Variants in MED13L observed in about 807,000 individuals in gnomAD.
MED13L encodes mediator complex subunit 13L.
A neutral mutation model predicts 220.9 loss-of-function variants in MED13L; 7 were observed. The observed-to-expected ratio is 0.03, with a 90% CI of 0.02 to 0.06. The LOEUF (loss-of-function observed/expected upper bound fraction) is 0.06. Among genes scored for constraint, MED13L ranks in the 10% least tolerant of loss-of-function variants. MED13L has a pLI of 1.00. For synonymous variants in MED13L, 1,011 were observed against 1,015.2 expected (o/e 1.00, Z 0.08); for missense variants, 1,965 against 2,760.5 (o/e 0.71, Z 6.46).
At position 115,991,459 on chromosome 12, in the gene MED13L, A is replaced by G. The variant is rs140397237; in HGVS notation, c.3495T>C (p.Ser1165=). The change falls in exon 17 of 31, where the codon AGT becomes AGC. Residue 1165 remains serine, a synonymous_variant. Coordinates refer to ENST00000281928, the MANE Select transcript of MED13L (RefSeq NM_015335.5). The surrounding 1 kb of genome is among the most constrained non-coding windows in gnomAD (Gnocchi z 7.7). ...AGCCAAGTTTGCGGTTCATAATCGC[A>G]CTAAACCCACAGGTACAGCGGTACT... ...EDQYRCTCGF[S]AIMNRKLGYN... 22 of 1,614,170 alleles carry G rather than the reference A, an allele frequency of 1.4e-5. No individual in the cohort carries two copies. The African/African-American group carries it at 1.9e-4, about 14-fold the overall frequency.
At chr12:116,258,777 G>GAA (rs558738933) in intron 1 of MED13L, among the ~76,000 whole-genome samples, 49 of 56,016 alleles carry the variant, frequency 8.7e-4, no homozygotes, top group South Asian at 2.3e-3. Flanking sequence ...CTCCATCTCA[G>GAA]AAAAAAAAAA....
At chr12:116,268,726 A>AG (rs1428285656) in intron 1 of MED13L, among the ~76,000 whole-genome samples, 2 of 152,150 alleles carry the variant, frequency 1.3e-5, no homozygotes, top group African/African-American at 4.8e-5. Flanking sequence ...ATATCCTTTT[A>AG]GATTACCAAT....
intron 2 of MED13L, among the ~76,000 whole-genome samples, chr12:116,139,647 A>G (rs1876882362): frequency 6.6e-6 from 1 of 152,172 alleles, no homozygotes; most frequent in Admixed American, 6.5e-5. Flanking sequence ...CTTTTGTCGC[A>G]CATAGTACCT....
At chr12:116,246,644 T>C (rs373955332) in intron 1 of MED13L, among the ~76,000 whole-genome samples, 6 of 146,748 alleles carry the variant, frequency 4.1e-5, no homozygotes, top group South Asian at 2.3e-4. Context: ...CTTGTCTCTA[T>C]ATACAGACTG....
intron 3 of MED13L, among the ~76,000 whole-genome samples, chr12:116,102,564 A>C (rs1873144868): frequency 6.8e-6 from 1 of 146,222 alleles, no homozygotes; most frequent in Admixed American, 6.7e-5. Flanking sequence ...ATTCCAATCC[A>C]AATCAAATAT....
At chr12:116,062,484 C>CT (rs1274771139) in intron 4 of MED13L, among the ~76,000 whole-genome samples, 36 of 123,510 alleles carry the variant, frequency 2.9e-4, no homozygotes, top group Non-Finnish European at 5.6e-4. Flanking sequence ...CTCTCTCTCT[C>CT]TGTGTTTTTT....
Position 115,975,629 on chromosome 12 carries a change from A to G in MED13L, c.5474T>C (p.Val1825Ala), listed in dbSNP as rs1003813849. The change falls in exon 24 of 31, where the codon GTG (valine) becomes GCG (alanine). Residue 1825 changes from valine to alanine, a missense_variant. Physicochemically the swap from Val to Ala is moderately conservative, Grantham distance 64. This residue lies in a region of MED13L where 510 missense variants were observed against 620.4 expected (regional missense o/e 0.82). Transcript: ENST00000281928. ...TFGEASQKYN[V>A]LFVGYCLSHD... ...AGACAGACAATAGCCCACGAAGAGC[A>G]CATTGTATTTCTGGCTCGCCTCACC... The G allele has an allele frequency of 6.2e-7, 1 of 1,614,054 alleles. No individual in the cohort carries two copies. The highest frequency in any genetic ancestry group is 8.5e-7 in the Non-Finnish European group (1 of 1,180,028).
At chr12:116,271,812 A>G (rs1028036999) in intron 1 of MED13L, among the ~76,000 whole-genome samples, 7 of 152,152 alleles carry the variant, frequency 4.6e-5, no homozygotes, top group Non-Finnish European at 8.8e-5. Context: ...AATACCTAAT[A>G]GTCAACCATA....
chr12:116,225,623 A>C (rs1868904787), intron 2 of MED13L, among the ~76,000 whole-genome samples: 1 of 152,210 alleles, frequency 6.6e-6, no homozygotes, highest in Admixed American at 6.5e-5. Context: ...GAGAGTATCG[A>C]AATTTTTCTC....
At chr12:116,110,223 G>T (rs1392313516) in intron 3 of MED13L, 1 of 152,108 alleles carries the variant, frequency 6.6e-6, no homozygotes, top group South Asian at 2.1e-4. Context: ...AAGGACATAG[G>T]AGCGAGCCAT....
chr12:115,985,371 A>C (rs1877615152), intron 19 of MED13L, among the ~76,000 whole-genome samples: 1 of 152,190 alleles, frequency 6.6e-6, no homozygotes, highest in Non-Finnish European at 1.5e-5. Context: ...GCATCTCCTC[A>C]TTTCTTTGTA....
chr12:116,097,252 T>C (rs1228806483), intron 3 of MED13L, among the ~76,000 whole-genome samples: 1 of 152,048 alleles, frequency 6.6e-6, no homozygotes, highest in Non-Finnish European at 1.5e-5. Context: ...TTCAAGTGAT[T>C]CTCCTGTCTC....
intron 4 of MED13L, among the ~76,000 whole-genome samples, chr12:116,080,053 T>A (rs1871121473): frequency 6.6e-6 from 1 of 151,842 alleles, no homozygotes; most frequent in Non-Finnish European, 1.5e-5. Context: ...TTAGCTACCA[T>A]TAGTGCTAGT....
intron 2 of MED13L, among the ~76,000 whole-genome samples, chr12:116,206,821 T>C (rs1322251143): frequency 2.6e-5 from 4 of 152,236 alleles, no homozygotes; most frequent in Non-Finnish European, 5.9e-5. Context: ...AACTTCTTTA[T>C]GCCTTGTTTT....
In MED13L at chr12:116,241,450, A is replaced by G. The variant is rs143346901; in HGVS notation, c.73-3745T>C. On this transcript the variant is annotated intron_variant, in intron 1 of 30. Transcript: ENST00000281928. ...ATATCAGAGCTTTAAACATCAGATG[A>G]GTCAGTCCCCATGAAAATCTATGCA... Among the ~76,000 whole-genome samples, 1,113 of 152,274 alleles carry G rather than the reference A, an allele frequency of 7.3e-3. 21 individuals carry two copies. Among genetic ancestry groups the G allele is most frequent in the African/African-American group, 0.025 (1,047 of 41,552 alleles).
chr12:116,150,161 C>T (rs1297928395), intron 2 of MED13L, among the ~76,000 whole-genome samples: 2 of 152,192 alleles, frequency 1.3e-5, no homozygotes, highest in Non-Finnish European at 2.9e-5. Context: ...ACGCTGAGAT[C>T]GCTGTGATAC....
chr12:116,056,596 ATGAT>A, intron 4 of MED13L, among the ~76,000 whole-genome samples: 1 of 152,346 alleles, frequency 6.6e-6, no homozygotes, highest in Non-Finnish European at 1.5e-5. Context: ...TAGTTAAGAC[ATGAT>A]TAAGTACTAG....
chr12:116,089,421 T>C (rs1871993486), intron 4 of MED13L, among the ~76,000 whole-genome samples: 1 of 152,190 alleles, frequency 6.6e-6, no homozygotes, highest in African/African-American at 2.4e-5. Context: ...AAAAGGATGA[T>C]ATCATCTAAA....
chr12:116,106,557 T>C lies in MED13L; in HGVS notation c.395+4871A>G, dbSNP rs145062566. Among the ~76,000 whole-genome samples the C allele has an allele frequency of 1.2e-3, 190 of 152,160 alleles. 2 individuals carry two copies. Among genetic ancestry groups the C allele is most frequent in the East Asian group, 3.9e-3 (20 of 5,170 alleles). ...AAGTATATATTCAGTAAAAAAGATA[T>C]TATAAGGCTGGGTACAGTGGCTCAC... On this transcript the variant is annotated intron_variant, in intron 3 of 30. Transcript: ENST00000281928.
Sources: allele counts gnomAD v4.1 joint callset (sites outside exome capture counted in the v4.1 genomes callset), GRCh38; gene constraint gnomAD v4.1.1; regional missense constraint gnomAD v4.1.1; non-coding constraint Gnocchi (gnomAD v3.1); transcripts MANE v1.5; gene names NCBI Gene and HGNC (gene_info 2026-07-23, HGNC 2026-07-21).